Variants in FRMPD1 observed in about 807,000 individuals in gnomAD.
FRMPD1 encodes FERM and PDZ domain containing 1.
A neutral mutation model predicts 117.8 loss-of-function variants in FRMPD1; 76 were observed. The ratio of observed to expected loss-of-function variants is 0.65; its 90% CI spans 0.54 to 0.78. The LOEUF (loss-of-function observed/expected upper bound fraction) is 0.78. Ranked by LOEUF, FRMPD1 falls within the 30% of genes least tolerant of loss-of-function variation. FRMPD1 has a pLI of 0.00. For missense variants in FRMPD1, 1,786 were observed against 1,964.5 expected (o/e 0.91, Z 1.72); for synonymous variants, 783 against 770.4 (o/e 1.02, Z -0.27).
At chr9:37,735,466 T>G in intron 12 of FRMPD1, 86 bp from the exon 13 acceptor site, 1 of 982,904 alleles carries the variant, frequency 1.0e-6, no homozygotes, top group Non-Finnish European at 1.6e-6. Flanking sequence ...TCAAGGAGTT[T>G]GCAGCGAGAG....
upstream of FRMPD1, among the ~76,000 whole-genome samples, chr9:37,648,507 A>G (rs943002286): frequency 6.6e-6 from 1 of 152,204 alleles, no homozygotes; most frequent in Non-Finnish European, 1.5e-5. Flanking sequence ...CACTGGCAGT[A>G]TGTGAAGGAT....
chr9:37,714,855 C>T (rs1823052273), intron 5 of FRMPD1, among the ~76,000 whole-genome samples: 1 of 152,070 alleles, frequency 6.6e-6, no homozygotes, highest in Non-Finnish European at 1.5e-5. Context: ...ACCATATTGG[C>T]CAGGCTGGTC....
At chr9:37,609,965 A>G in the FRMPD1 span, among the ~76,000 whole-genome samples, 1 of 152,286 alleles carries the variant, frequency 6.6e-6, no homozygotes, top group Non-Finnish European at 1.5e-5. Context: ...TTTCAGGTCC[A>G]ATGTCACTTT....
chr9:37,631,970 TAAGAG>T, the FRMPD1 span, among the ~76,000 whole-genome samples: 1 of 152,204 alleles, frequency 6.6e-6, no homozygotes, highest in African/African-American at 2.4e-5. Flanking sequence ...TTTTTCCTGA[TAAGAG>T]AAGTAATACA....
At chr9:37,672,911 C>T (rs1338164146) in intron 1 of FRMPD1, among the ~76,000 whole-genome samples, 1 of 152,114 alleles carries the variant, frequency 6.6e-6, no homozygotes, top group Non-Finnish European at 1.5e-5. Context: ...TAGGTCCCTC[C>T]CAGAACATGT....
chr9:37,745,126 G>A lies in FRMPD1; in HGVS notation c.3094G>A (p.Gly1032Arg). ...CAGAGCCTGCCTGGCCAGCAACCCA[G>A]GACTAAATAATGTCTCTCAAGGAGA... ...PDRACLASNP[G>R]LNNVSQGDTL... The change falls in exon 16 of 16, where the codon GGA becomes AGA. Residue 1032 changes from glycine (G) to arginine (R), a missense_variant. Gly to Arg is a moderately radical substitution (Grantham distance 125). Transcript: ENST00000377765. 1 of 1,614,082 alleles carries A rather than the reference G, an allele frequency of 6.2e-7. No homozygotes were observed. The highest frequency in any genetic ancestry group is 8.5e-7 in the Non-Finnish European group (1 of 1,180,022).
intron 1 of FRMPD1, among the ~76,000 whole-genome samples, chr9:37,667,063 T>TTTTTTTTTTTTTTTG (rs1821184008): frequency 2.8e-5 from 1 of 36,026 alleles, no homozygotes; most frequent in African/African-American, 2.3e-4. Context: ...TGAAGCATGC[T>TTTTTTTTTTTTTTTG]TTTTTTTTTT....
chr9:37,720,030 C>T (rs554398703), intron 6 of FRMPD1, among the ~76,000 whole-genome samples: 9 of 151,710 alleles, frequency 5.9e-5, no homozygotes, highest in South Asian at 2.1e-4. Flanking sequence ...CAGCAAAGGC[C>T]GGGGGAGTCA....
intron 1 of FRMPD1, among the ~76,000 whole-genome samples, chr9:37,672,502 A>G (rs1035069870): frequency 2.0e-5 from 3 of 152,330 alleles, no homozygotes; most frequent in African/African-American, 7.2e-5. Flanking sequence ...AGCTGTTTCC[A>G]TGCATTACCT....
In FRMPD1 at chr9:37,717,871, G is replaced by A. The variant is rs952597234; in HGVS notation, c.409-1198G>A. Among the ~76,000 whole-genome samples, 10 of 152,146 alleles carry A rather than the reference G, an allele frequency of 6.6e-5. No homozygotes were observed. In the East Asian group the frequency reaches 1.9e-3, roughly 29 times the overall value. ...CCCCCTAGATTCAAGAGGTATGGGA[G>A]TCTTCAGCTCATTCGAAGCAATCTG... is the stretch of plus-strand genomic sequence containing the variant. On this transcript the variant is annotated intron_variant, in intron 5 of 15. Transcript: ENST00000377765.
upstream of FRMPD1, among the ~76,000 whole-genome samples, chr9:37,647,229 G>A (rs1483010832): frequency 3.9e-5 from 6 of 152,054 alleles, no homozygotes; most frequent in African/African-American, 1.5e-4. Context: ...AGTAATCTAG[G>A]CCAGGCACGG....
intron 1 of FRMPD1, chr9:37,668,596 G>A (rs1029174975): frequency 1.3e-5 from 2 of 152,266 alleles, no homozygotes; most frequent in African/African-American, 4.8e-5. Flanking sequence ...TGCCACTGGT[G>A]AGTTGGTGTT....
In FRMPD1 at chr9:37,740,516, A is replaced by G; in HGVS notation, c.1988A>G (p.Gln663Arg). The change falls in exon 15 of 16, where the codon CAG (glutamine) becomes CGG (arginine). Residue 663 changes from glutamine (Q) to arginine (R), a missense_variant. By Grantham distance (43) the Gln-to-Arg change is conservative. Coordinates refer to ENST00000377765, the MANE Select transcript of FRMPD1 (RefSeq NM_014907.3). This position sits in a 1 kb window ranked among gnomAD's most constrained non-coding sequence, Gnocchi z 4.2. ...SGFLCLLDLA[Q>R]RANPQCQKTE... ...TTCCTCTGTCTCCTGGACCTGGCCC[A>G]GAGAGCCAACCCCCAGTGCCAGAAG... is the stretch of plus-strand genomic sequence containing the variant. 4.3e-6 allele frequency: 7 copies of G among 1,614,116 alleles called. No homozygotes were observed. The highest frequency in any genetic ancestry group is 5.9e-6 in the Non-Finnish European group (7 of 1,179,956).
At chr9:37,735,818 A>G in intron 13 of FRMPD1, 84 bp downstream of exon 13, 2 of 888,376 alleles carry the variant, frequency 2.3e-6, no homozygotes, top group Non-Finnish European at 3.5e-6. Flanking sequence ...TGAATTTTAA[A>G]TAATAATAAA....
intron 12 of FRMPD1, among the ~76,000 whole-genome samples, chr9:37,734,571 A>G (rs1824037694): frequency 6.6e-6 from 1 of 151,660 alleles, no homozygotes; most frequent in Admixed American, 6.6e-5. Flanking sequence ...TGCAGCACAA[A>G]ACCAATTTAC....
chr9:37,604,930 T>G, the FRMPD1 span, among the ~76,000 whole-genome samples: 5 of 152,206 alleles, frequency 3.3e-5, no homozygotes, highest in Admixed American at 6.5e-5. Flanking sequence ...TGAATATAAT[T>G]CTCACATCAA....
intron 15 of FRMPD1, among the ~76,000 whole-genome samples, chr9:37,742,060 G>A (rs1563963606): frequency 1.3e-5 from 2 of 152,186 alleles, no homozygotes; most frequent in African/African-American, 4.8e-5. Context: ...TCCATCACTA[G>A]ACCGAGAACT....
At chr9:37,695,578 G>A (rs927534939) in intron 2 of FRMPD1, among the ~76,000 whole-genome samples, 2 of 152,002 alleles carry the variant, frequency 1.3e-5, no homozygotes, top group African/African-American at 2.4e-5. Context: ...GTAATCTTTG[G>A]TGTCCTCAGA....
chr9:37,637,301 G>A, the FRMPD1 span: 2 of 1,340,804 alleles, frequency 1.5e-6, no homozygotes, highest in Admixed American at 1.7e-5. Flanking sequence ...CATGGCGGCG[G>A]CGGAAGCCCG....
Sources: gnomAD v4.1 joint callset for allele counts (sites outside exome capture counted in the v4.1 genomes callset) on GRCh38, gnomAD v4.1.1 for gene constraint, Gnocchi (gnomAD v3.1) non-coding constraint, MANE v1.5 for transcripts, NCBI Gene and HGNC (gene_info 2026-07-23, HGNC 2026-07-21) for gene names.